The following USP54 variants were observed in gnomAD, a reference collection of about 807,000 sequenced individuals.
USP54 encodes the protein ubiquitin specific peptidase 54.
Under a neutral mutation model 170.5 loss-of-function variants are expected in USP54, and 87 were observed. The observed-to-expected ratio is 0.51, with a 90% confidence interval of 0.43 to 0.61. USP54 has a LOEUF of 0.61. USP54 is among the 20% of genes least tolerant of loss of function. USP54 has a pLI of 0.00. For missense variants in USP54, 1,786 were observed against 2,047.8 expected (o/e 0.87, Z 2.47); for synonymous variants, 655 against 742.8 (o/e 0.88, Z 1.92).
chr10:73,507,821 C>T (rs2059440067), intron 20 of USP54, among the ~76,000 whole-genome samples: 1 of 151,234 alleles, frequency 6.6e-6, no homozygotes, highest in African/African-American at 2.4e-5. Flanking sequence ...GACCCCATCT[C>T]TAAAAAAAGA....
At chr10:73,532,057 G>A (rs1165780324) in intron 12 of USP54, among the ~76,000 whole-genome samples, 1 of 152,166 alleles carries the variant, frequency 6.6e-6, no homozygotes, top group Non-Finnish European at 1.5e-5. Context: ...TAGTGATATG[G>A]ATACATATTT....
chr10:73,575,166 A>C (rs2075931816), intron 3 of USP54, among the ~76,000 whole-genome samples: 3 of 151,872 alleles, frequency 2.0e-5, no homozygotes, highest in Non-Finnish European at 4.4e-5. Context: ...CGGAGGTTGC[A>C]GTGAGCCGAG....
intron 19 of USP54, 41 bp downstream of exon 19, chr10:73,519,756 T>G (rs1240738884): frequency 2.5e-6 from 4 of 1,611,356 alleles, no homozygotes; most frequent in Non-Finnish European, 3.4e-6. Flanking sequence ...GGTCATTTCT[T>G]CCCCTGGCAT....
At chr10:73,573,342 G>C (rs921827531) in intron 3 of USP54, among the ~76,000 whole-genome samples, 6 of 152,042 alleles carry the variant, frequency 3.9e-5, no homozygotes, top group Non-Finnish European at 8.8e-5. Flanking sequence ...CATCATCCAG[G>C]ACAAAAACCT....
chr10:73,520,147 C>T, intron 18 of USP54, 155 bp from the exon 19 acceptor site: 3 of 1,039,334 alleles, frequency 2.9e-6, no homozygotes, highest in Non-Finnish European at 4.1e-6. Flanking sequence ...CTGTCCAGGG[C>T]ACACAGCTGC....
intron 4 of USP54, among the ~76,000 whole-genome samples, chr10:73,568,212 C>G (rs976359752): frequency 6.6e-6 from 1 of 152,074 alleles, no homozygotes; most frequent in Admixed American, 6.6e-5. Context: ...GCTCCCAGCC[C>G]TATAAAAGTA....
At position 73,565,871 on chromosome 10, in the gene USP54, G is replaced by A. The variant is rs181668729; in HGVS notation, c.240+5550C>T. ...ACAATCCAAATGACTACCAACATTTGGTAGTTGGTAGTCATGTTGGTAGTC... is the reference window on the plus strand; with the variant it reads ...ACAATCCAAATGACTACCAACATTTAGTAGTTGGTAGTCATGTTGGTAGTC... On this transcript the variant is annotated intron_variant, in intron 4 of 23. Coordinates refer to ENST00000687698, the MANE Select transcript of USP54 (RefSeq NM_001391956.1). Among the ~76,000 whole-genome samples the A allele has an allele frequency of 2.0e-5, 3 of 152,276 alleles. No individual in the cohort carries two copies. In the East Asian group the frequency reaches 5.8e-4, roughly 29 times the overall value.
intron 1 of USP54, chr10:73,614,056 G>A (rs1386119009): frequency 6.6e-6 from 1 of 151,186 alleles, no homozygotes; most frequent in Non-Finnish European, 1.5e-5. Context: ...ACAAAAATTA[G>A]TCACACGTGG....
At chr10:73,547,543 C>T (rs931415635) in intron 4 of USP54, among the ~76,000 whole-genome samples, 2 of 152,082 alleles carry the variant, frequency 1.3e-5, no homozygotes, top group Non-Finnish European at 2.9e-5. Flanking sequence ...AGATATAGAC[C>T]AATGGAACAG....
chr10:73,594,773 G>A (rs1485623954), upstream of USP54, among the ~76,000 whole-genome samples: 1 of 151,842 alleles, frequency 6.6e-6, no homozygotes, highest in African/African-American at 2.4e-5. Flanking sequence ...AATTAGAGAC[G>A]GACTTGATCT....
rs141997002 is a variant in USP54 at position 73,528,615 on chromosome 10, C to T, written c.2060+1065G>A. 2.3e-3 allele frequency among the ~76,000 whole-genome samples: 343 copies of T among 150,858 alleles called. 2 individuals are homozygous for T. The highest frequency in any genetic ancestry group is 0.01 in the Middle Eastern group (3 of 290). Reference sequence around the variant, plus strand: ...ATGGAGCCTTGCTCTGTCGCCTAGGCTGGAGTTGCCATGGCACGAGCTCGG... The same window carrying T: ...ATGGAGCCTTGCTCTGTCGCCTAGGTTGGAGTTGCCATGGCACGAGCTCGG... On this transcript the variant is annotated intron_variant, in intron 15 of 23. Transcript: ENST00000687698.
chr10:73,605,792 T>C lies in USP54; in HGVS notation c.-18+19775A>G, dbSNP rs143921937. 5.6e-3 allele frequency among the ~76,000 whole-genome samples: 859 copies of C among 152,136 alleles called. 5 individuals are homozygous for C. The highest frequency in any genetic ancestry group is 9.7e-3 in the Non-Finnish European group (657 of 67,996). The stretch of plus-strand genomic sequence containing the variant: ...GAGGCATGAAGAATAGTCAAATTCA[T>C]TGAAACAGAAAGTTGGATGGTGGTG... On this transcript the variant is annotated intron_variant, in intron 1 of 22. Coordinates refer to the USP54 transcript ENST00000339859.
chr10:73,619,346 G>A lies in USP54; in HGVS notation c.-18+6221C>T, dbSNP rs1041064864. ...AGGCTCAAGTGATCCTCTTGCCTCA[G>A]CCTCCTACGTAGCTGGGGTTACAGG... On this transcript the variant is annotated intron_variant, in intron 1 of 22. Transcript: ENST00000339859. Among the ~76,000 whole-genome samples, 7 of 149,948 alleles carry A rather than the reference G, an allele frequency of 4.7e-5. No individual in the cohort carries two copies. In the East Asian group the frequency reaches 1.2e-3, roughly 25 times the overall value.
intron 1 of USP54, among the ~76,000 whole-genome samples, chr10:73,605,314 T>C (rs572154831): frequency 6.6e-6 from 1 of 152,196 alleles, no homozygotes; most frequent in Non-Finnish European, 1.5e-5. Context: ...TCCGCCCACC[T>C]TGGCCTCCCA....
Position 73,504,939 on chromosome 10 carries a change from T to C in USP54, c.4222A>G (p.Ser1408Gly). The C allele has an allele frequency of 6.2e-7, 1 of 1,614,120 alleles. No homozygotes were observed. Among genetic ancestry groups the C allele is most frequent in the Non-Finnish European group, 8.5e-7 (1 of 1,180,018 alleles). The change falls in exon 22 of 24, where the codon AGT becomes GGT. Residue 1408 changes from serine (S) to glycine (G), a missense_variant. By Grantham distance (56) the Ser-to-Gly change is moderately conservative. Around this residue, in one of 3 missense-constraint regions of USP54, gnomAD observed 1,418 missense variants for 1,569.0 expected, o/e 0.90. Coordinates refer to ENST00000687698, the MANE Select transcript of USP54 (RefSeq NM_001391956.1). ...GAGATGCGACGTAAATTCTCTGCAC[T>C]GTACTGCTCATCCTCCCCACACTCC... is the stretch of plus-strand genomic sequence containing the variant. ...SRECGEDEQY[S>G]AENLRRISRS...
intron 11 of USP54, 80 bp from the exon 12 acceptor site, chr10:73,534,850 C>T: frequency 7.2e-7 from 1 of 1,394,186 alleles, no homozygotes; most frequent in South Asian, 1.3e-5. Flanking sequence ...ATGGACACAA[C>T]AAAGCTCCAT....
Position 73,530,167 on chromosome 10 carries a change from G to C in USP54, c.1804C>G (p.Leu602Val). 1 of 1,613,338 alleles carries C rather than the reference G, an allele frequency of 6.2e-7. No individual in the cohort carries two copies. Among genetic ancestry groups the C allele is most frequent in the Non-Finnish European group, 8.5e-7 (1 of 1,179,810 alleles). The change falls in exon 14 of 24, where the codon CTT becomes GTT. Residue 602 changes from leucine to valine, a missense_variant. Physicochemically the swap from Leu to Val is conservative, Grantham distance 32. Coordinates refer to ENST00000687698, the MANE Select transcript of USP54 (RefSeq NM_001391956.1). Reference sequence around the variant, plus strand: ...CCTGAATCCTCAGAAAAGGGGCTAAGCTGGGTATAGCCACAGTGCTTCCTT... The same window carrying C: ...CCTGAATCCTCAGAAAAGGGGCTAACCTGGGTATAGCCACAGTGCTTCCTT... ...DKRKHCGYTQ[L>V]SPFSEDSAKE... is the part of the protein sequence containing the mutation.
intron 20 of USP54, among the ~76,000 whole-genome samples, chr10:73,508,352 A>G (rs1165151659): frequency 6.6e-6 from 1 of 150,688 alleles, no homozygotes; most frequent in African/African-American, 2.4e-5. Flanking sequence ...GGTTGCAATG[A>G]GCTGATATTG....
chr10:73,568,266 A>G (rs1423889238), intron 4 of USP54, among the ~76,000 whole-genome samples: 1 of 152,164 alleles, frequency 6.6e-6, no homozygotes, highest in Admixed American at 6.6e-5. Context: ...AGGAGGACCC[A>G]GGTGCTGATG....
Sources: allele counts gnomAD v4.1 joint callset (sites outside exome capture counted in the v4.1 genomes callset), GRCh38; gene constraint gnomAD v4.1.1; regional missense constraint gnomAD v4.1.1; transcripts MANE v1.5; gene names NCBI Gene and HGNC (gene_info 2026-07-23, HGNC 2026-07-21).